The following PRR16 variants were observed in gnomAD, a reference collection of about 807,000 sequenced individuals.
The protein encoded by PRR16 is proline rich 16, also known as protein Largen.
In PRR16, 6 loss-of-function variants were observed where a neutral mutation model predicts 18.2. That is an observed-to-expected ratio of 0.33 (90% CI 0.18 to 0.65). PRR16 has a LOEUF of 0.65. Among genes scored for constraint, PRR16 ranks in the 30% least tolerant of loss-of-function variants. The pLI, the probability that PRR16 is intolerant of heterozygous loss-of-function variation, is 0.74. For missense variants in PRR16, 412 were observed against 376.6 expected, an observed-to-expected ratio of 1.09 and a Z score of -0.78; for synonymous variants, 151 against 147.8, an observed-to-expected ratio of 1.02 and a Z score of -0.16.
chr5:120,723,494 T>G, the PRR16 span, among the ~76,000 whole-genome samples: 16,656 of 152,048 alleles, frequency 0.11, 1,151 homozygotes, highest in Non-Finnish European at 0.15. Context: ...TTTAACCATA[T>G]AATTAGCATA....
the PRR16 span, among the ~76,000 whole-genome samples, chr5:120,702,540 C>T: frequency 6.6e-6 from 1 of 152,132 alleles, no homozygotes; most frequent in Admixed American, 6.5e-5. Flanking sequence ...AGGACCAAGG[C>T]AGGCGTCCCT....
At chr5:120,705,849 G>A in the PRR16 span, among the ~76,000 whole-genome samples, 2 of 151,970 alleles carry the variant, frequency 1.3e-5, no homozygotes, top group African/African-American at 4.8e-5. Context: ...AAGATGATGT[G>A]GATAGAAAAA....
the PRR16 span, among the ~76,000 whole-genome samples, chr5:120,769,374 G>A: frequency 6.6e-6 from 1 of 151,416 alleles, no homozygotes; most frequent in East Asian, 1.9e-4. Context: ...CACACAACAT[G>A]AGATCTACCC....
chr5:120,641,863 T>G (rs1755434771), intron 1 of PRR16, among the ~76,000 whole-genome samples: 1 of 152,090 alleles, frequency 6.6e-6, no homozygotes, highest in African/African-American at 2.4e-5. Flanking sequence ...TATCTGGATG[T>G]CCTTAGGACT....
intron 1 of PRR16, among the ~76,000 whole-genome samples, chr5:120,615,684 A>C (rs1333077665): frequency 1.3e-5 from 2 of 152,060 alleles, no homozygotes; most frequent in African/African-American, 4.8e-5. Context: ...TAATGCCTGC[A>C]TACTCTATTC....
intron 1 of PRR16, among the ~76,000 whole-genome samples, chr5:120,646,132 G>A (rs917707744): frequency 6.8e-6 from 1 of 147,254 alleles, no homozygotes; most frequent in Non-Finnish European, 1.5e-5. Context: ...ATGTAAAAGT[G>A]GCATGGGGTT....
chr5:120,781,197 C>A, the PRR16 span: 1 of 151,836 alleles, frequency 6.6e-6, no homozygotes, highest in African/African-American at 2.4e-5. Context: ...GGAAAATATT[C>A]TTTTCTATCC....
At chr5:120,669,832 A>G (rs900715396) in intron 1 of PRR16, among the ~76,000 whole-genome samples, 27 of 152,218 alleles carry the variant, frequency 1.8e-4, no homozygotes, top group African/African-American at 6.5e-4. Context: ...GTAATAATTC[A>G]TAGAGAATTT....
At chr5:120,759,712 AG>A in the PRR16 span, among the ~76,000 whole-genome samples, 1 of 152,182 alleles carries the variant, frequency 6.6e-6, no homozygotes, top group African/African-American at 2.4e-5. Flanking sequence ...GAGATCACAA[AG>A]GAATTCATAA....
At chr5:120,739,771 A>C in the PRR16 span, among the ~76,000 whole-genome samples, 1 of 152,154 alleles carries the variant, frequency 6.6e-6, no homozygotes, top group Admixed American at 6.5e-5. Context: ...GTAGTGCCTT[A>C]AATATCTTTA....
chr5:120,615,065 C>T (rs773329460), intron 1 of PRR16, among the ~76,000 whole-genome samples: 15 of 147,002 alleles, frequency 1.0e-4, no homozygotes, highest in Non-Finnish European at 1.8e-4. Flanking sequence ...AAAAAAATAG[C>T]AAACATTTGT....
At chr5:120,706,745 T>C in the PRR16 span, among the ~76,000 whole-genome samples, 3 of 152,234 alleles carry the variant, frequency 2.0e-5, no homozygotes, top group Non-Finnish European at 4.4e-5. Flanking sequence ...AGAAAGATTT[T>C]ATTCAAATTG....
At chr5:120,719,989 C>A in the PRR16 span, among the ~76,000 whole-genome samples, 5 of 151,932 alleles carry the variant, frequency 3.3e-5, no homozygotes, top group Admixed American at 6.6e-5. Flanking sequence ...AATTAAAGAA[C>A]CTTCTATAAA....
At chr5:120,649,608 G>A (rs11949516) in intron 1 of PRR16, among the ~76,000 whole-genome samples, 38,173 of 152,008 alleles carry the variant, frequency 0.25, 5,995 homozygotes, top group Middle Eastern at 0.4. Context: ...ATTACTGAAT[G>A]ACATTAAAAA....
At chr5:120,770,427 A>G in the PRR16 span, among the ~76,000 whole-genome samples, 4 of 152,008 alleles carry the variant, frequency 2.6e-5, no homozygotes, top group Non-Finnish European at 4.4e-5. Flanking sequence ...TCAACTTTAA[A>G]TAGATTGAAG....
chr5:120,603,735 A>G (rs969650044), intron 1 of PRR16, among the ~76,000 whole-genome samples: 7 of 152,060 alleles, frequency 4.6e-5, no homozygotes, highest in African/African-American at 1.4e-4. Flanking sequence ...GCTGTGTATC[A>G]GAGACTCTGG....
At chr5:120,613,980 A>T (rs1754420618) in intron 1 of PRR16, among the ~76,000 whole-genome samples, 1 of 152,204 alleles carries the variant, frequency 6.6e-6, no homozygotes. Context: ...TTGGATAATG[A>T]TTAGCATTTG....
chr5:120,608,246 A>G (rs1754220309), intron 1 of PRR16, among the ~76,000 whole-genome samples: 1 of 152,070 alleles, frequency 6.6e-6, no homozygotes, highest in South Asian at 2.1e-4. Flanking sequence ...CATAATATCC[A>G]TTTTTTTCGT....
rs1757133954 is a variant in PRR16 at position 120,686,587 on chromosome 5, G to A, written c.793G>A (p.Gly265Arg). 1.2e-6 allele frequency: 2 copies of A among 1,613,474 alleles called. No homozygotes were observed. The highest frequency in any genetic ancestry group is 1.7e-6 in the Non-Finnish European group (2 of 1,179,844). The change falls in exon 2 of 2, where the codon GGG becomes AGG. Residue 265 changes from glycine (G) to arginine (R), a missense_variant. Physicochemically the swap from Gly to Arg is moderately radical, Grantham distance 125. Coordinates refer to ENST00000407149, the MANE Select transcript of PRR16 (RefSeq NM_001300783.2). Reference sequence around the variant, plus strand: ...TCTCCCTCCTTTCCCACTAGAAAATGGGGGAATGGGAATAAGCCACAGTAA... The same window carrying A: ...TCTCCCTCCTTTCCCACTAGAAAATAGGGGAATGGGAATAAGCCACAGTAA... ...PHLPPFPLENGGMGISHSNSF... is the reference protein window; with the variant it reads ...PHLPPFPLENRGMGISHSNSF...
Sources: allele counts gnomAD v4.1 joint callset (sites outside exome capture counted in the v4.1 genomes callset), GRCh38; gene constraint gnomAD v4.1.1; transcripts MANE v1.5; gene names NCBI Gene and HGNC (gene_info 2026-07-23, HGNC 2026-07-21).